Variants in PTPRD observed in about 807,000 individuals in gnomAD.
PTPRD encodes the protein receptor-type tyrosine-protein phosphatase delta.
PTPRD carries 34 observed loss-of-function variants against 214.5 expected under a neutral mutation model. That is an observed-to-expected ratio of 0.16 (90% CI 0.12 to 0.21). The LOEUF (loss-of-function observed/expected upper bound fraction) is 0.21. Ranked by LOEUF, PTPRD falls within the 10% of genes least tolerant of loss-of-function variation. The pLI, the probability that PTPRD is intolerant of heterozygous loss-of-function variation, is 1.00. For synonymous variants in PTPRD, 1,128 were observed against 845.7 expected (o/e 1.33, Z -5.79); for missense variants, 2,545 against 2,398.7 (o/e 1.06, Z -1.27).
chr9:9,462,360 C>G (rs1396150428), intron 8 of PTPRD, among the ~76,000 whole-genome samples: 1 of 152,076 alleles, frequency 6.6e-6, no homozygotes, highest in Non-Finnish European at 1.5e-5. Flanking sequence ...TCTCATTTGT[C>G]ATAGTCTTGG....
At chr9:9,864,430 T>G (rs931031906) in intron 5 of PTPRD, among the ~76,000 whole-genome samples, 1 of 152,030 alleles carries the variant, frequency 6.6e-6, no homozygotes, top group Non-Finnish European at 1.5e-5. Context: ...GTGTGTGACA[T>G]AGATTCCGTG....
At chr9:8,589,512 T>C (rs142190988) in intron 14 of PTPRD, among the ~76,000 whole-genome samples, 11 of 152,292 alleles carry the variant, frequency 7.2e-5, no homozygotes, top group African/African-American at 2.6e-4. Flanking sequence ...TCCAACCTAA[T>C]TCTAATTATC....
chr9:9,302,618 G>GTCTTTCC (rs1467384762), intron 9 of PTPRD, among the ~76,000 whole-genome samples: 1 of 53,934 alleles, frequency 1.9e-5, no homozygotes, highest in Non-Finnish European at 3.7e-5. Context: ...TTTTTTTTTT[G>GTCTTTCC]TCTTTCCTGG....
chr9:9,509,449 C>A (rs1165563987), intron 8 of PTPRD, among the ~76,000 whole-genome samples: 1 of 151,448 alleles, frequency 6.6e-6, no homozygotes, highest in Non-Finnish European at 1.5e-5. Flanking sequence ...TAGATCATCA[C>A]AACTGGACAA....
chr9:10,307,905 T>C (rs533063107), intron 3 of PTPRD, among the ~76,000 whole-genome samples: 3 of 152,152 alleles, frequency 2.0e-5, no homozygotes, highest in Non-Finnish European at 2.9e-5. Flanking sequence ...GCCCTGTTTT[T>C]ATTGGGATTA....
chr9:8,484,846 TA>T (rs2096964339), intron 29 of PTPRD, among the ~76,000 whole-genome samples: 1 of 152,186 alleles, frequency 6.6e-6, no homozygotes, highest in Admixed American at 6.5e-5. Context: ...AGCCAGAGTT[TA>T]AAATGTGCCA....
intron 4 of PTPRD, among the ~76,000 whole-genome samples, chr9:9,970,156 T>C (rs2094988115): frequency 1.3e-5 from 2 of 152,148 alleles, no homozygotes; most frequent in African/African-American, 4.8e-5. Flanking sequence ...CAAATGGTTT[T>C]AGTCATGAGG....
At chr9:8,572,664 C>T (rs2091464534) in intron 14 of PTPRD, among the ~76,000 whole-genome samples, 1 of 151,812 alleles carries the variant, frequency 6.6e-6, no homozygotes. Flanking sequence ...TTGAGTCAAC[C>T]TCATTGGAGG....
At chr9:10,436,527 T>C (rs2098718921) in intron 2 of PTPRD, among the ~76,000 whole-genome samples, 3 of 151,912 alleles carry the variant, frequency 2.0e-5, no homozygotes. Context: ...CATTTTGTTA[T>C]ATGTATACAG....
intron 27 of PTPRD, 108 bp from the exon 28 acceptor site, chr9:8,486,457 T>C: frequency 1.0e-6 from 1 of 992,332 alleles, no homozygotes. Context: ...TTTTCTTACT[T>C]ACCAAAACAA....
chr9:8,840,755 A>C (rs2097542338), intron 11 of PTPRD, among the ~76,000 whole-genome samples: 1 of 150,184 alleles, frequency 6.7e-6, no homozygotes, highest in South Asian at 2.1e-4. Context: ...GCCCATTCTT[A>C]ATTTTTTTTT....
At chr9:9,476,760 G>A (rs1341308969) in intron 8 of PTPRD, among the ~76,000 whole-genome samples, 1 of 151,662 alleles carries the variant, frequency 6.6e-6, no homozygotes, top group African/African-American at 2.4e-5. Flanking sequence ...TTTTGCGATG[G>A]ATTTTTCTCT....
intron 12 of PTPRD, among the ~76,000 whole-genome samples, chr9:8,725,154 T>A (rs2098543843): frequency 6.6e-6 from 1 of 152,192 alleles, no homozygotes; most frequent in Admixed American, 6.5e-5. Context: ...AGTGTAAAAT[T>A]ATTTCAAAAT....
chr9:9,156,794 A>T (rs1484100651), intron 10 of PTPRD, among the ~76,000 whole-genome samples: 1 of 152,178 alleles, frequency 6.6e-6, no homozygotes, highest in East Asian at 1.9e-4. Flanking sequence ...AAGAAACCAC[A>T]GGAAAACAAC....
At chr9:8,321,495 A>ATATATATATG (rs1563890968) in intron 44 of PTPRD, among the ~76,000 whole-genome samples, 1 of 76,036 alleles carries the variant, frequency 1.3e-5, no homozygotes, top group African/African-American at 9.3e-5. Context: ...GTGTATATAT[A>ATATATATATG]TATATATATA....
intron 9 of PTPRD, among the ~76,000 whole-genome samples, chr9:9,322,120 C>G (rs1966843143): frequency 6.6e-6 from 1 of 152,088 alleles, no homozygotes; most frequent in Non-Finnish European, 1.5e-5. Flanking sequence ...AAAACCATGA[C>G]CTGGAAAATG....
chr9:9,557,826 G>A (rs2081912166), intron 8 of PTPRD, among the ~76,000 whole-genome samples: 1 of 152,194 alleles, frequency 6.6e-6, no homozygotes, highest in African/African-American at 2.4e-5. Context: ...TGAAGTCTGA[G>A]GGGAGTGGGT....
chr9:8,844,577 C>T (rs2097648204), intron 11 of PTPRD, among the ~76,000 whole-genome samples: 1 of 152,148 alleles, frequency 6.6e-6, no homozygotes, highest in Admixed American at 6.5e-5. Context: ...AACTAACCAT[C>T]TGTACAATAA....
intron 2 of PTPRD, among the ~76,000 whole-genome samples, chr9:10,393,973 G>A (rs947386781): frequency 2.0e-5 from 3 of 147,680 alleles, no homozygotes; most frequent in South Asian, 2.1e-4. Context: ...GGATACAGCT[G>A]TGACCAGATG....
Sources: allele counts gnomAD v4.1 joint callset (sites outside exome capture counted in the v4.1 genomes callset), GRCh38; gene constraint gnomAD v4.1.1; transcripts MANE v1.5; gene names NCBI Gene and HGNC (gene_info 2026-07-23, HGNC 2026-07-21).